TMEM74: variants seen among roughly 807,000 people sequenced by gnomAD.
TMEM74 encodes transmembrane protein 74.
A neutral mutation model predicts 18.1 loss-of-function variants in TMEM74; 13 were observed. That is an observed-to-expected ratio of 0.72 (90% confidence interval 0.47 to 1.14). The LOEUF is 1.14. Among genes scored for constraint, TMEM74 ranks in the 50% most tolerant of loss-of-function variants. TMEM74 has a pLI of 0.00. For missense variants in TMEM74, 372 were observed against 375.9 expected (o/e 0.99, Z 0.09); for synonymous variants, 159 against 146.6 (o/e 1.08, Z -0.61).
At chr8:108,619,647 C>T (rs1812420007) in intron 2 of TMEM74, among the ~76,000 whole-genome samples, 1 of 152,180 alleles carries the variant, frequency 6.6e-6, no homozygotes, top group South Asian at 2.1e-4. Context: ...AGCATAGCTC[C>T]TGCTCTGAAA....
intron 2 of TMEM74, among the ~76,000 whole-genome samples, chr8:108,617,813 G>GC (rs1413273104): frequency 1.3e-5 from 2 of 152,046 alleles, no homozygotes; most frequent in Non-Finnish European, 1.5e-5. Flanking sequence ...TGAGAATTCA[G>GC]CCTTGGGACT....
chr8:108,633,732 C>A (rs1329365861), intron 2 of TMEM74, among the ~76,000 whole-genome samples: 1 of 152,006 alleles, frequency 6.6e-6, no homozygotes, highest in Non-Finnish European at 1.5e-5. Flanking sequence ...GAATTGTCAG[C>A]ATCAATACTG....
At chr8:108,698,733 T>G (rs546553156) in intron 1 of TMEM74, among the ~76,000 whole-genome samples, 1 of 152,186 alleles carries the variant, frequency 6.6e-6, no homozygotes, top group African/African-American at 2.4e-5. Context: ...TAGGGCCATA[T>G]CTATGCTGCA....
intron 1 of TMEM74, among the ~76,000 whole-genome samples, chr8:108,785,751 C>T (rs931931316): frequency 2.6e-5 from 4 of 152,194 alleles, no homozygotes; most frequent in Non-Finnish European, 5.9e-5. Flanking sequence ...TAATCAGCCA[C>T]CTCTGCTAAG....
chr8:108,712,370 AT>A (rs1813483045), intron 1 of TMEM74, among the ~76,000 whole-genome samples: 1 of 152,172 alleles, frequency 6.6e-6, no homozygotes, highest in Non-Finnish European at 1.5e-5. Context: ...TAAATATCTC[AT>A]TCCTTATCAA....
chr8:108,667,352 C>T (rs576313207), intron 1 of TMEM74, among the ~76,000 whole-genome samples: 2 of 152,122 alleles, frequency 1.3e-5, no homozygotes, highest in East Asian at 3.9e-4. Context: ...ATGTATTTTC[C>T]CGTCATATGA....
At chr8:108,704,079 G>A (rs1026828148) in intron 1 of TMEM74, among the ~76,000 whole-genome samples, 1 of 152,178 alleles carries the variant, frequency 6.6e-6, no homozygotes, top group Non-Finnish European at 1.5e-5. Context: ...AAAGACTTTA[G>A]TTAAGTCTCA....
At chr8:108,756,798 GAGGAAGGA>G (rs60134137) in intron 1 of TMEM74, among the ~76,000 whole-genome samples, 2,348 of 123,044 alleles carry the variant, frequency 0.019, 46 homozygotes, top group African/African-American at 0.046. Flanking sequence ...GAGGGAAGGG[GAGGAAGGA>G]AGGAAGGAAG....
At chr8:108,611,395 C>T (rs186435172) in intron 2 of TMEM74, among the ~76,000 whole-genome samples, 755 of 152,290 alleles carry the variant, frequency 5.0e-3, no homozygotes, top group Non-Finnish European at 7.2e-3. Flanking sequence ...TGTAAAATAT[C>T]TGGGAATAAA....
chr8:108,715,103 T>C (rs1481007104), intron 1 of TMEM74, among the ~76,000 whole-genome samples: 5 of 152,246 alleles, frequency 3.3e-5, no homozygotes, highest in Admixed American at 3.3e-4. Flanking sequence ...TGTGTTTCTA[T>C]CTATATTACC....
At chr8:108,659,023 G>C (rs1330343183) in intron 1 of TMEM74, among the ~76,000 whole-genome samples, 1 of 152,098 alleles carries the variant, frequency 6.6e-6, no homozygotes, top group Non-Finnish European at 1.5e-5. Context: ...GGGCAGATCT[G>C]TCACAATAAG....
intron 1 of TMEM74, among the ~76,000 whole-genome samples, chr8:108,762,485 T>TTG (rs957417408): frequency 3.3e-5 from 5 of 152,138 alleles, no homozygotes; most frequent in African/African-American, 4.8e-5. Flanking sequence ...TTATCTGTCG[T>TTG]AAGTATTCAG....
rs185075604 is a variant in TMEM74 at position 108,772,497 on chromosome 8, G to C, written n.119+14979C>G. ...ATGACCAATGCTTGAAACAATTAGT[G>C]ATCAATTAAGGCAGCCTATACTGAG... On this transcript the variant is annotated intron_variant and non_coding_transcript_variant, in intron 1 of 3. Coordinates refer to the TMEM74 transcript ENST00000518838. Among the ~76,000 whole-genome samples the C allele has an allele frequency of 5.2e-3, 791 of 152,230 alleles. 1 individual carries two copies. The highest frequency in any genetic ancestry group is 7.3e-3 in the Non-Finnish European group (499 of 67,998).
chr8:108,655,982 C>G (rs1004201330), intron 1 of TMEM74, among the ~76,000 whole-genome samples: 5 of 152,274 alleles, frequency 3.3e-5, no homozygotes, highest in Non-Finnish European at 7.4e-5. Flanking sequence ...TGGCTCATGC[C>G]TATAATCCCA....
intron 1 of TMEM74, among the ~76,000 whole-genome samples, chr8:108,717,798 G>A (rs1319912548): frequency 6.6e-6 from 1 of 152,066 alleles, no homozygotes; most frequent in Non-Finnish European, 1.5e-5. Context: ...GGAGGTAAGT[G>A]TGCCTTGAGT....
chr8:108,773,512 G>T (rs560616326), intron 1 of TMEM74, among the ~76,000 whole-genome samples: 2 of 152,110 alleles, frequency 1.3e-5, no homozygotes, highest in Non-Finnish European at 2.9e-5. Context: ...CCCCTAAAAC[G>T]GTAGAGCCTA....
chr8:108,783,472 C>A lies in TMEM74; in HGVS notation c.*709G>T, dbSNP rs1426461555. ...AATTTGACTTCATTTTAAAAAAGAG[C>A]CTGTGACCCTGGCTAATATCTGGCA... On this transcript the variant is annotated 3_prime_UTR_variant, in exon 2 of 2. Coordinates refer to ENST00000297459, the MANE Select transcript of TMEM74 (RefSeq NM_153015.3). 6.6e-6 allele frequency: 1 copy of A among 152,120 alleles called. No homozygotes were observed. The highest frequency in any genetic ancestry group is 6.6e-5 in the Admixed American group (1 of 15,264). The allele number at this position is 152,120 out of a possible 1,614,324, so 9.4% of individuals were successfully genotyped here. A position where few individuals can be genotyped will look rare whatever the true frequency, so the allele number is the denominator to read the frequency against.
At chr8:108,733,578 G>C (rs1483022190) in intron 1 of TMEM74, among the ~76,000 whole-genome samples, 1 of 152,230 alleles carries the variant, frequency 6.6e-6, no homozygotes, top group African/African-American at 2.4e-5. Context: ...GTTTACATAA[G>C]TACACTCATT....
exon 4 of TMEM74, chr8:108,607,605 T>C (rs1417528949): frequency 1.3e-5 from 2 of 152,226 alleles, no homozygotes; most frequent in Non-Finnish European, 2.9e-5. Flanking sequence ...CTGTATCACA[T>C]ATAGTGATGA....
Sources: allele counts gnomAD v4.1 joint callset (sites outside exome capture counted in the v4.1 genomes callset), GRCh38; gene constraint gnomAD v4.1.1; transcripts MANE v1.5; gene names NCBI Gene and HGNC (gene_info 2026-07-23, HGNC 2026-07-21).